The following PARG variants were observed in gnomAD, a reference collection of about 807,000 sequenced individuals.
The protein encoded by PARG is mitochondrial poly(ADP-ribose) glycohydrolase.
A neutral mutation model predicts 113.0 loss-of-function variants in PARG; 35 were observed. That is an observed-to-expected ratio of 0.31 (90% CI 0.24 to 0.41). The LOEUF is 0.41. Among genes scored for constraint, PARG ranks in the 10% least tolerant of loss-of-function variants. The pLI is 1.00. For synonymous variants in PARG, 330 were observed against 409.9 expected, an observed-to-expected ratio of 0.81 and a Z score of 2.36; for missense variants, 797 against 1,169.4, an observed-to-expected ratio of 0.68 and a Z score of 4.64.
At chr10:49,840,025 T>C (rs17719831) in intron 15 of PARG, among the ~76,000 whole-genome samples, 43,537 of 152,102 alleles carry the variant, frequency 0.29, 6,492 homozygotes, top group Non-Finnish European at 0.32. Context: ...CTGGGGACAA[T>C]TGCTTTAAGG....
At chr10:49,924,345 C>A (rs1209653792) in intron 4 of PARG, among the ~76,000 whole-genome samples, 1 of 152,134 alleles carries the variant, frequency 6.6e-6, no homozygotes, top group Non-Finnish European at 1.5e-5. Context: ...CACTGCAGAG[C>A]ATAATCACAT....
intron 7 of PARG, among the ~76,000 whole-genome samples, chr10:49,914,783 C>T (rs1438943209): frequency 1.3e-5 from 2 of 152,174 alleles, no homozygotes; most frequent in African/African-American, 4.8e-5. Context: ...AGGCCAGAAA[C>T]AATCCTTACG....
intron 7 of PARG, among the ~76,000 whole-genome samples, chr10:49,902,488 C>T (rs1164722270): frequency 6.6e-6 from 1 of 152,150 alleles, no homozygotes; most frequent in Non-Finnish European, 1.5e-5. Context: ...GAAGCGTGAA[C>T]TTACAGAGCT....
intron 7 of PARG, among the ~76,000 whole-genome samples, chr10:49,899,944 C>T (rs1469270519): frequency 2.6e-5 from 4 of 152,020 alleles, no homozygotes; most frequent in Non-Finnish European, 5.9e-5. Context: ...TGAAATATAC[C>T]GAGTTTTTAA....
chr10:49,939,884 C>G (rs1163104131), intron 1 of PARG, among the ~76,000 whole-genome samples: 233 of 152,268 alleles, frequency 1.5e-3, no homozygotes, highest in South Asian at 6.4e-3. Flanking sequence ...ACTGCCCGAG[C>G]TCTGCCCAGC....
chr10:49,911,371 C>T (rs1474243522), intron 7 of PARG, among the ~76,000 whole-genome samples: 1 of 151,566 alleles, frequency 6.6e-6, no homozygotes, highest in Non-Finnish European at 1.5e-5. Flanking sequence ...TTTTGTTCAA[C>T]TTTCCAGTGA....
At chr10:49,837,790 G>T (rs1845016963) in intron 15 of PARG, among the ~76,000 whole-genome samples, 1 of 152,170 alleles carries the variant, frequency 6.6e-6, no homozygotes, top group African/African-American at 2.4e-5. Context: ...ATATTTATCA[G>T]ATGCCTTCCC....
At chr10:49,893,882 TA>T (rs1293221907) in intron 7 of PARG, among the ~76,000 whole-genome samples, 14 of 151,984 alleles carry the variant, frequency 9.2e-5, no homozygotes, top group African/African-American at 3.4e-4. Flanking sequence ...GTATTTTTAG[TA>T]AAGACGGGGT....
intron 15 of PARG, among the ~76,000 whole-genome samples, chr10:49,840,416 C>CAAAA (rs1233782161): frequency 7.0e-6 from 1 of 142,956 alleles, no homozygotes; most frequent in Admixed American, 7.0e-5. Context: ...AAAAACACAA[C>CAAAA]AAAAAAAAAA....
chr10:49,920,461 A>T (rs527768649), intron 6 of PARG, among the ~76,000 whole-genome samples: 232 of 48,050 alleles, frequency 4.8e-3, no homozygotes, highest in South Asian at 0.011. Context: ...TAAAAAAAAA[A>T]AAATATATAT....
chr10:49,888,822 C>T (rs1847624301), intron 7 of PARG, among the ~76,000 whole-genome samples: 1 of 152,140 alleles, frequency 6.6e-6, no homozygotes. Context: ...GTCCCACCCT[C>T]TTTCCCCTCC....
chr10:49,846,749 T>C (rs1334999378), intron 13 of PARG, among the ~76,000 whole-genome samples: 1 of 54,090 alleles, frequency 1.8e-5, no homozygotes, highest in African/African-American at 7.1e-5. Flanking sequence ...GTTGTATATG[T>C]GTGTGTGTGT....
intron 6 of PARG, among the ~76,000 whole-genome samples, chr10:49,918,689 T>C (rs1554848346): frequency 6.6e-6 from 1 of 152,214 alleles, no homozygotes; most frequent in Non-Finnish European, 1.5e-5. Flanking sequence ...AAAAAGATCA[T>C]TATATTCAAT....
At chr10:49,919,317 TAAAG>T (rs1328587211) in intron 6 of PARG, among the ~76,000 whole-genome samples, 1 of 152,202 alleles carries the variant, frequency 6.6e-6, no homozygotes, top group Admixed American at 6.5e-5. Context: ...AGAATAAAAA[TAAAG>T]AACCTAAGAT....
chr10:49,867,448 A>G (rs1338826548), intron 10 of PARG: 1 of 151,700 alleles, frequency 6.6e-6, no homozygotes, highest in Non-Finnish European at 1.5e-5. Flanking sequence ...AGCATTTTTA[A>G]AAAGTCATCT....
chr10:49,843,667 C>T (rs1554832798), intron 13 of PARG, 35 bp from the exon 14 acceptor site: 34 of 1,354,262 alleles, frequency 2.5e-5, no homozygotes, highest in Non-Finnish European at 3.4e-5. Flanking sequence ...TAACTTCACA[C>T]TTGATGGCAA....
chr10:49,823,275 A>T (rs1844195327), intron 16 of PARG, among the ~76,000 whole-genome samples: 1 of 152,148 alleles, frequency 6.6e-6, no homozygotes, highest in Non-Finnish European at 1.5e-5. Flanking sequence ...TATTTTTATA[A>T]ATTTGAAATT....
At chr10:49,927,047 G>T (rs1356026936) in intron 4 of PARG, among the ~76,000 whole-genome samples, 1 of 152,054 alleles carries the variant, frequency 6.6e-6, no homozygotes, top group Non-Finnish European at 1.5e-5. Flanking sequence ...GGTGGCTCAC[G>T]CCTGTAATCC....
At chr10:49,905,992 G>C (rs552308827) in intron 7 of PARG, among the ~76,000 whole-genome samples, 121 of 149,076 alleles carry the variant, frequency 8.1e-4, no homozygotes, top group Non-Finnish European at 1.3e-3. Flanking sequence ...TGCCCAAGGC[G>C]ATGCCAAGTA....
Sources: allele counts gnomAD v4.1 joint callset (sites outside exome capture counted in the v4.1 genomes callset), GRCh38; gene constraint gnomAD v4.1.1; transcripts MANE v1.5; gene names NCBI Gene and HGNC (gene_info 2026-07-23, HGNC 2026-07-21).